MACROD2: variants seen among roughly 807,000 people sequenced by gnomAD.
MACROD2 encodes mono-ADP ribosylhydrolase 2, also known as ADP-ribose glycohydrolase MACROD2.
A neutral mutation model predicts 70.4 loss-of-function variants in MACROD2; 36 were observed. The observed-to-expected ratio is 0.51, with a 90% CI of 0.39 to 0.68. MACROD2 has a LOEUF of 0.68. MACROD2 is among the 30% of genes least tolerant of loss of function. MACROD2 has a pLI of 0.00. For synonymous variants in MACROD2, 172 were observed against 178.8 expected (o/e 0.96, Z 0.30); for missense variants, 496 against 538.4 (o/e 0.92, Z 0.78).
At chr20:14,628,009 C>A (rs143833464) in intron 4 of MACROD2, among the ~76,000 whole-genome samples, 2 of 152,132 alleles carry the variant, frequency 1.3e-5, no homozygotes, top group Non-Finnish European at 2.9e-5. Flanking sequence ...CAGAGCAACA[C>A]AGAGAAAAAT....
chr20:15,490,968 T>A (rs1243489137), intron 7 of MACROD2, among the ~76,000 whole-genome samples: 1 of 152,228 alleles, frequency 6.6e-6, no homozygotes, highest in Non-Finnish European at 1.5e-5. Context: ...TTGCTGTCCA[T>A]TTACAGAGCA....
chr20:14,439,724 T>C (rs2084100175), intron 3 of MACROD2, among the ~76,000 whole-genome samples: 1 of 152,196 alleles, frequency 6.6e-6, no homozygotes. Context: ...GAGGATTGAA[T>C]GAGTTAAATC....
At chr20:14,612,500 A>G (rs1217643175) in intron 4 of MACROD2, among the ~76,000 whole-genome samples, 1 of 152,076 alleles carries the variant, frequency 6.6e-6, no homozygotes, top group African/African-American at 2.4e-5. Flanking sequence ...GAGTATGAAA[A>G]TATCTGAGAA....
At chr20:14,802,289 G>T (rs1470878259) in intron 5 of MACROD2, among the ~76,000 whole-genome samples, 1 of 152,066 alleles carries the variant, frequency 6.6e-6, no homozygotes, top group Admixed American at 6.6e-5. Context: ...TTGGAGTGAA[G>T]AAACTTGGAT....
chr20:15,223,887 T>A (rs977645392), intron 5 of MACROD2, among the ~76,000 whole-genome samples: 7 of 152,216 alleles, frequency 4.6e-5, no homozygotes, highest in Non-Finnish European at 8.8e-5. Context: ...GTGGTAGTGA[T>A]GCTGTGTGAC....
chr20:15,670,288 G>A (rs1011183039), intron 8 of MACROD2, among the ~76,000 whole-genome samples: 3 of 152,176 alleles, frequency 2.0e-5, no homozygotes, highest in African/African-American at 7.2e-5. Context: ...GGTTCTGGCT[G>A]GCACGACATT....
intron 8 of MACROD2, among the ~76,000 whole-genome samples, chr20:15,594,264 A>G (rs1361041062): frequency 6.6e-6 from 1 of 150,914 alleles, no homozygotes; most frequent in Non-Finnish European, 1.5e-5. Flanking sequence ...TTTGCTTAGC[A>G]TGATGTTTGA....
intron 3 of MACROD2, among the ~76,000 whole-genome samples, chr20:14,433,283 A>T (rs898914332): frequency 1.3e-5 from 2 of 152,192 alleles, no homozygotes; most frequent in African/African-American, 4.8e-5. Context: ...GCCCCAGGTG[A>T]CTGAAACATA....
intron 5 of MACROD2, among the ~76,000 whole-genome samples, chr20:15,005,451 A>G (rs2075028306): frequency 6.6e-6 from 1 of 152,212 alleles, no homozygotes; most frequent in Non-Finnish European, 1.5e-5. Context: ...TGGCCAAGGA[A>G]TGGTATGTTC....
chr20:15,995,848 A>C (rs1323777313), intron 15 of MACROD2, among the ~76,000 whole-genome samples: 2 of 108,412 alleles, frequency 1.8e-5, no homozygotes, highest in African/African-American at 6.4e-5. Context: ...TATTATGTAT[A>C]CAAATGTGAG....
chr20:15,300,184 T>G (rs1466163751), intron 6 of MACROD2, among the ~76,000 whole-genome samples: 1 of 152,168 alleles, frequency 6.6e-6, no homozygotes, highest in Non-Finnish European at 1.5e-5. Flanking sequence ...CTTAAGACCT[T>G]GGCTTTGCTT....
chr20:14,568,126 G>C (rs1979929002), intron 4 of MACROD2, among the ~76,000 whole-genome samples: 1 of 151,926 alleles, frequency 6.6e-6, no homozygotes, highest in African/African-American at 2.4e-5. Context: ...GGAGTAATAA[G>C]CATACTTTTG....
chr20:14,572,597 T>C (rs1980270350), intron 4 of MACROD2, among the ~76,000 whole-genome samples: 1 of 152,116 alleles, frequency 6.6e-6, no homozygotes, highest in Admixed American at 6.6e-5. Flanking sequence ...AGACATAATA[T>C]TGAGAAAATG....
intron 3 of MACROD2, among the ~76,000 whole-genome samples, chr20:14,336,391 G>A (rs977655681): frequency 6.6e-6 from 1 of 151,954 alleles, no homozygotes; most frequent in African/African-American, 2.4e-5. Flanking sequence ...CAGATGTTGA[G>A]AAGACATGGA....
chr20:14,496,235 C>G (rs1011214770), intron 4 of MACROD2, among the ~76,000 whole-genome samples: 1 of 152,228 alleles, frequency 6.6e-6, no homozygotes, highest in East Asian at 1.9e-4. Context: ...AAAGGTCCAT[C>G]AAGAGAATAA....
At chr20:15,237,796 T>G (rs1413687005) in intron 6 of MACROD2, among the ~76,000 whole-genome samples, 2 of 152,162 alleles carry the variant, frequency 1.3e-5, no homozygotes, top group Non-Finnish European at 2.9e-5. Context: ...TGGACTATTT[T>G]TTTTTTTTAT....
At chr20:14,806,573 G>A (rs570579963) in intron 5 of MACROD2, among the ~76,000 whole-genome samples, 5 of 152,186 alleles carry the variant, frequency 3.3e-5, no homozygotes, top group African/African-American at 4.8e-5. Flanking sequence ...CTGGCACCTG[G>A]AATGCCAGTG....
intron 4 of MACROD2, among the ~76,000 whole-genome samples, chr20:14,589,789 C>G (rs529282411): frequency 1.7e-4 from 26 of 152,140 alleles, no homozygotes; most frequent in South Asian, 8.3e-4. Flanking sequence ...AAAGTTCTAA[C>G]CCCAACCAGC....
chr20:14,899,295 C>T (rs577857813), intron 5 of MACROD2, among the ~76,000 whole-genome samples: 10 of 152,176 alleles, frequency 6.6e-5, no homozygotes, highest in South Asian at 2.1e-4. Flanking sequence ...TTAGTTTGCC[C>T]GGGTTGCCAT....
Sources: gnomAD v4.1 joint callset for allele counts (sites outside exome capture counted in the v4.1 genomes callset) on GRCh38, gnomAD v4.1.1 for gene constraint, MANE v1.5 for transcripts, NCBI Gene and HGNC (gene_info 2026-07-23, HGNC 2026-07-21) for gene names.